Variants in NHSL2 observed in about 807,000 individuals in gnomAD.
The protein encoded by NHSL2 is NHS-like protein 2.
Under a neutral mutation model 53.4 loss-of-function variants are expected in NHSL2, and 27 were observed. That is an observed-to-expected ratio of 0.51 (90% CI 0.37 to 0.70). The LOEUF is 0.70. NHSL2 is among the 30% of genes least tolerant of loss of function. NHSL2 has a pLI of 0.00. For missense variants in NHSL2, 892 were observed against 980.1 expected, an observed-to-expected ratio of 0.91 and a Z score of 1.20; for synonymous variants, 408 against 404.1, an observed-to-expected ratio of 1.01 and a Z score of -0.12.
intron 1 of NHSL2, among the ~76,000 whole-genome samples, chrX:72,100,521 GT>G (rs745624336): frequency 8.9e-6 from 1 of 112,276 alleles, no homozygotes; most frequent in East Asian, 2.8e-4. Flanking sequence ...CCATGGACCC[GT>G]ACCAGTCCAT....
intron 1 of NHSL2, among the ~76,000 whole-genome samples, chrX:71,924,521 G>T (rs2041675139): frequency 8.9e-6 from 1 of 111,784 alleles, no homozygotes; most frequent in African/African-American, 3.3e-5. Context: ...GAACTTGAAA[G>T]AACACCCTGG....
intron 1 of NHSL2, among the ~76,000 whole-genome samples, chrX:72,105,179 TG>T (rs1467305554): frequency 2.8e-5 from 3 of 106,214 alleles, no homozygotes; most frequent in African/African-American, 1.0e-4. Flanking sequence ...GGATGCAGGC[TG>T]CCCCCCAGGA....
rs139664577 is a variant in NHSL2, at chrX:72,139,372, A to G, written c.1824A>G (p.Gln608=). Residue 608 remains glutamine, a synonymous_variant, in exon 6 of 8, where the codon CAA becomes CAG. Transcript: ENST00000633930. ...GCCTTTGCCTCTCCTTGGAACATCA[A>G]GGACATCACTCGTCCCACCCAGATG... ...PKSLCLSLEH[Q]GHHSSHPDAQ... 4 of 1,210,577 alleles carry G rather than the reference A, an allele frequency of 3.3e-6. No homozygotes were observed. The East Asian group carries it at 8.9e-5, about 27-fold the overall frequency.
At chrX:71,943,331 C>G (rs1208469564) in intron 1 of NHSL2, among the ~76,000 whole-genome samples, 1 of 112,408 alleles carries the variant, frequency 8.9e-6, no homozygotes, top group Non-Finnish European at 1.9e-5. Context: ...ACTTCACCAT[C>G]CAATTCATCT....
intron 1 of NHSL2, chrX:72,130,955 T>G (rs2042287839): frequency 1.8e-5 from 22 of 1,209,040 alleles, no homozygotes; most frequent in Non-Finnish European, 2.5e-5. Context: ...GCTTCGCCAG[T>G]GAAAAAGGAG....
chrX:71,966,973 A>T (rs912808782), intron 1 of NHSL2, among the ~76,000 whole-genome samples: 2 of 112,291 alleles, frequency 1.8e-5, no homozygotes, highest in Non-Finnish European at 3.8e-5. Flanking sequence ...TATTTAATAG[A>T]TATATGACTA....
chrX:71,955,592 G>C (rs1442429657), intron 1 of NHSL2, among the ~76,000 whole-genome samples: 1 of 110,197 alleles, frequency 9.1e-6, no homozygotes, highest in Non-Finnish European at 1.9e-5. Context: ...TTCCCACTAG[G>C]CCTAGCCCAC....
intron 1 of NHSL2, among the ~76,000 whole-genome samples, chrX:72,116,795 C>T (rs867528326): frequency 1.2e-5 from 1 of 82,056 alleles, no homozygotes; most frequent in African/African-American, 3.5e-5. Context: ...CTAGGGGGTG[C>T]TCATGGGGTC....
chrX:72,130,369 T>C, intron 1 of NHSL2: 1 of 1,169,061 alleles, frequency 8.6e-7, no homozygotes, highest in Non-Finnish European at 1.2e-6. Context: ...CTCCTTCTCT[T>C]CCTTCTTCTT....
In NHSL2 at chrX:72,107,459, C is replaced by G. The variant is rs1016558374; in HGVS notation, c.281-24620C>G. 5.4e-5 allele frequency among the ~76,000 whole-genome samples: 6 copies of G among 111,705 alleles called. No individual in the cohort carries two copies. In the East Asian group the frequency reaches 1.7e-3, roughly 31 times the overall value. On this transcript the variant is annotated intron_variant, in intron 1 of 7. Coordinates refer to ENST00000633930, the MANE Select transcript of NHSL2 (RefSeq NM_001013627.3). ...GGCAGGGCCCATTTAGCCTGCTTCT[C>G]TCTTTGGTGTTACCTGCCTGGGCCC...
intron 1 of NHSL2, among the ~76,000 whole-genome samples, chrX:72,004,920 TG>T (rs1288410858): frequency 9.0e-6 from 1 of 111,316 alleles, no homozygotes; most frequent in East Asian, 2.8e-4. Flanking sequence ...AAGCTCCCCT[TG>T]CTGGGAAGGG....
Position 72,049,648 on chromosome X carries a change from C to G in NHSL2, c.281-82431C>G, listed in dbSNP as rs555495421. ...ACTCTTTATTCTTCCTGGAGCCTCACTCCTCTATAACTCCATCACCCTTTT... is the reference window on the plus strand; with the variant it reads ...ACTCTTTATTCTTCCTGGAGCCTCAGTCCTCTATAACTCCATCACCCTTTT... On this transcript the variant is annotated intron_variant, in intron 1 of 7. Transcript: ENST00000633930. Among the ~76,000 whole-genome samples the G allele has an allele frequency of 4.6e-5, 5 of 108,839 alleles. No individual in the cohort carries two copies. In the South Asian group the frequency reaches 2.1e-3, roughly 45 times the overall value. The allele number at this position is 108,839 out of a possible 115,157, so 94.5% of individuals were successfully genotyped here.
At chrX:71,964,952 T>G (rs1168363557) in intron 1 of NHSL2, among the ~76,000 whole-genome samples, 2 of 111,910 alleles carry the variant, frequency 1.8e-5, no homozygotes, top group Non-Finnish European at 3.8e-5. Flanking sequence ...TTTTAACAAA[T>G]GTACCACTCT....
chrX:71,958,903 G>A (rs978225565), intron 1 of NHSL2, among the ~76,000 whole-genome samples: 2 of 112,231 alleles, frequency 1.8e-5, no homozygotes, highest in African/African-American at 6.5e-5. Context: ...CAACTGCCAA[G>A]GATGCAGATA....
intron 1 of NHSL2, among the ~76,000 whole-genome samples, chrX:72,026,758 C>T (rs1281595490): frequency 1.8e-5 from 2 of 112,445 alleles, no homozygotes; most frequent in Non-Finnish European, 3.8e-5. Context: ...TGTTCCACCT[C>T]CTCCCCTGGC....
At chrX:72,100,581 C>T (rs1031611312) in intron 1 of NHSL2, among the ~76,000 whole-genome samples, 11 of 111,989 alleles carry the variant, frequency 9.8e-5, no homozygotes, top group Admixed American at 8.4e-4. Context: ...GGCAGGCGGG[C>T]GAGCATTACC....
At chrX:72,073,686 C>T (rs986535716) in intron 1 of NHSL2, among the ~76,000 whole-genome samples, 5 of 112,512 alleles carry the variant, frequency 4.4e-5, no homozygotes, top group African/African-American at 1.6e-4. Flanking sequence ...TAAGGGAGAG[C>T]TGCCCCATGA....
chrX:72,054,370 A>T (rs1447509645), intron 1 of NHSL2, among the ~76,000 whole-genome samples: 1 of 111,595 alleles, frequency 9.0e-6, no homozygotes, highest in African/African-American at 3.3e-5. Context: ...TCCCTGGGCC[A>T]CTTTAGCTGT....
In NHSL2 at chrX:71,976,773, T is replaced by C. The variant is rs5991866; in HGVS notation, c.280+65406T>C. On this transcript the variant is annotated intron_variant, in intron 1 of 7. Transcript: ENST00000633930. ...ATCTGTCTGACTAAAGCCTGTTGTC[T>C]TTCCACTAGACCGTAGAGAGGGAAA... Among the ~76,000 whole-genome samples the C allele has an allele frequency of 2.8e-3, 316 of 112,367 alleles. 1 individual carries two copies. Among genetic ancestry groups the C allele is most frequent in the African/African-American group, 9.8e-3 (302 of 30,962 alleles).
Sources: gnomAD v4.1 joint callset for allele counts (sites outside exome capture counted in the v4.1 genomes callset) on GRCh38, gnomAD v4.1.1 for gene constraint, MANE v1.5 for transcripts, NCBI Gene and HGNC (gene_info 2026-07-23, HGNC 2026-07-21) for gene names.